FOXN3: variants seen among roughly 807,000 people sequenced by gnomAD.
FOXN3 encodes forkhead box N3.
Under a neutral mutation model 38.4 loss-of-function variants are expected in FOXN3, and 7 were observed. The observed-to-expected ratio is 0.18, with a 90% confidence interval of 0.10 to 0.34. FOXN3 has a LOEUF of 0.34. Among genes scored for constraint, FOXN3 ranks in the 10% least tolerant of loss-of-function variants. FOXN3 has a pLI of 1.00. For synonymous variants in FOXN3, 230 were observed against 242.2 expected (o/e 0.95, Z 0.47); for missense variants, 456 against 613.4 (o/e 0.74, Z 2.71).
intron 2 of FOXN3, among the ~76,000 whole-genome samples, chr14:89,364,856 C>T (rs2140048655): frequency 6.6e-6 from 1 of 152,308 alleles, no homozygotes; most frequent in South Asian, 2.1e-4. Context: ...TTCTTTTAGG[C>T]CCATGGGTAG....
chr14:89,289,454 G>C (rs1194546543), intron 3 of FOXN3, among the ~76,000 whole-genome samples: 1 of 152,178 alleles, frequency 6.6e-6, no homozygotes, highest in Non-Finnish European at 1.5e-5. Context: ...CAGACACTGA[G>C]CTTGATTTTT....
At chr14:89,268,755 G>C (rs966760964) in intron 4 of FOXN3, among the ~76,000 whole-genome samples, 2 of 152,126 alleles carry the variant, frequency 1.3e-5, no homozygotes, top group African/African-American at 4.8e-5. Context: ...CAGTCACTAA[G>C]GCCAGGGAGT....
intron 3 of FOXN3, chr14:89,291,431 C>T (rs1886868025): frequency 6.6e-6 from 4 of 610,542 alleles, no homozygotes; most frequent in Non-Finnish European, 9.6e-6. Context: ...GGCCACCATG[C>T]TGTTCATCAG....
chr14:89,449,926 G>A (rs1335616773), intron 1 of FOXN3, among the ~76,000 whole-genome samples: 1 of 152,212 alleles, frequency 6.6e-6, no homozygotes. Flanking sequence ...GACAATGGGG[G>A]CCAGGAGTGG....
At position 89,467,205 on chromosome 14, in the gene FOXN3, C is replaced by T. The variant is rs369343766; in HGVS notation, c.-14-54715G>A. 7.9e-5 allele frequency among the ~76,000 whole-genome samples: 12 copies of T among 152,238 alleles called. No individual in the cohort carries two copies. The South Asian group carries it at 1.9e-3, about 24-fold the overall frequency. On this transcript the variant is annotated intron_variant, in intron 1 of 6. Coordinates refer to the FOXN3 transcript ENST00000345097. ...CTAGGGAAGAAAGTGAGGGCTGGCC[C>T]GGCAGGACAAGCCCACATCCAGCAG...
chr14:89,515,017 TCAAG>T (rs1894174326), intron 1 of FOXN3, among the ~76,000 whole-genome samples: 1 of 151,862 alleles, frequency 6.6e-6, no homozygotes. Context: ...CATCCGGAGT[TCAAG>T]CAATTCTCCT....
At chr14:89,253,562 G>T (rs1885527803) in intron 4 of FOXN3, among the ~76,000 whole-genome samples, 2 of 152,160 alleles carry the variant, frequency 1.3e-5, no homozygotes, top group Non-Finnish European at 2.9e-5. Flanking sequence ...TTTCTTAAGG[G>T]AAAAGTTTGG....
chr14:89,446,560 CT>C (rs1233676142), intron 1 of FOXN3, among the ~76,000 whole-genome samples: 1 of 152,146 alleles, frequency 6.6e-6, no homozygotes, highest in African/African-American at 2.4e-5. Flanking sequence ...AAGAGTTTTT[CT>C]ATTTATTTAA....
chr14:89,318,454 C>T (rs193113511), intron 3 of FOXN3, among the ~76,000 whole-genome samples: 3 of 152,256 alleles, frequency 2.0e-5, no homozygotes, highest in East Asian at 1.9e-4. Flanking sequence ...CCAACACACC[C>T]GGCCCCTTTT....
chr14:89,382,077 G>A (rs1311055171), intron 2 of FOXN3, among the ~76,000 whole-genome samples: 1 of 152,000 alleles, frequency 6.6e-6, no homozygotes, highest in Non-Finnish European at 1.5e-5. Context: ...CTGCTTGTCA[G>A]ACCAAATCCA....
chr14:89,362,191 T>A (rs1298417789), intron 2 of FOXN3, among the ~76,000 whole-genome samples: 19 of 3,636 alleles, frequency 5.2e-3, no homozygotes, highest in Non-Finnish European at 8.3e-3. Flanking sequence ...CACCACCACC[T>A]CCACCACTAC....
At chr14:89,255,938 A>G (rs1462796619) in intron 4 of FOXN3, among the ~76,000 whole-genome samples, 3 of 152,074 alleles carry the variant, frequency 2.0e-5, no homozygotes, top group African/African-American at 4.8e-5. Context: ...CGTTTTTTGC[A>G]ATGTACCAAG....
rs373757703 is a variant in FOXN3, at chr14:89,521,604, A to G, written c.-15+97424T>C. 1.4e-3 allele frequency among the ~76,000 whole-genome samples: 217 copies of G among 152,314 alleles called. 1 individual carries two copies. The highest frequency in any genetic ancestry group is 5.0e-3 in the African/African-American group (208 of 41,562). ...AATGAGACACTAAGTCAATATGAAG[A>G]AATAATGGCCACAAACTTTCCAAAT... On this transcript the variant is annotated intron_variant, in intron 1 of 6. Coordinates refer to the FOXN3 transcript ENST00000345097.
At chr14:89,381,711 T>C (rs771928085) in intron 2 of FOXN3, among the ~76,000 whole-genome samples, 1 of 151,552 alleles carries the variant, frequency 6.6e-6, no homozygotes, top group Non-Finnish European at 1.5e-5. Context: ...ATTAAAAAAA[T>C]TAGCCAGGTG....
intron 1 of FOXN3, among the ~76,000 whole-genome samples, chr14:89,607,565 A>T (rs1896299347): frequency 6.6e-6 from 1 of 151,618 alleles, no homozygotes; most frequent in South Asian, 2.1e-4. Flanking sequence ...TCTTAAAAAA[A>T]AAAAAAAAAA....
At chr14:89,296,177 A>G (rs1051933649) in intron 3 of FOXN3, among the ~76,000 whole-genome samples, 21 of 152,030 alleles carry the variant, frequency 1.4e-4, no homozygotes, top group African/African-American at 4.4e-4. Flanking sequence ...TATACTGAAA[A>G]AACTCTGCTT....
chr14:89,268,478 A>C (rs2139900979), intron 4 of FOXN3, among the ~76,000 whole-genome samples: 1 of 152,196 alleles, frequency 6.6e-6, no homozygotes, highest in Middle Eastern at 3.4e-3. Context: ...ATTCATCATG[A>C]CTCTCGACTG....
chr14:89,185,921 C>T (rs1291147774), intron 4 of FOXN3: 3 of 152,318 alleles, frequency 2.0e-5, no homozygotes, highest in African/African-American at 7.2e-5. Flanking sequence ...TCCTGAGAAT[C>T]TTAAAAAGAA....
chr14:89,551,161 T>G (rs1324285519), intron 1 of FOXN3, among the ~76,000 whole-genome samples: 4 of 152,216 alleles, frequency 2.6e-5, no homozygotes, highest in Non-Finnish European at 5.9e-5. Context: ...AGAAATGTTT[T>G]CACTGCAGCA....
Sources: allele counts gnomAD v4.1 joint callset (sites outside exome capture counted in the v4.1 genomes callset), GRCh38; gene constraint gnomAD v4.1.1; transcripts MANE v1.5; gene names NCBI Gene and HGNC (gene_info 2026-07-23, HGNC 2026-07-21).